The following GRB10 variants were observed in gnomAD, a reference collection of about 807,000 sequenced individuals.
GRB10 encodes the protein growth factor receptor bound protein 10, also known as growth factor receptor-bound protein 10.
GRB10 carries 20 observed loss-of-function variants against 80.9 expected under a neutral mutation model. The ratio of observed to expected loss-of-function variants is 0.25; its 90% CI spans 0.17 to 0.36. The LOEUF is 0.36. GRB10 is among the 10% of genes least tolerant of loss of function. The pLI, the probability that GRB10 is intolerant of heterozygous loss-of-function variation, is 1.00. For missense variants in GRB10, 548 were observed against 747.7 expected (o/e 0.73, Z 3.12); for synonymous variants, 291 against 291.5 (o/e 1.00, Z 0.02).
intron 4 of GRB10, among the ~76,000 whole-genome samples, chr7:50,718,136 G>T (rs977637652): frequency 6.6e-6 from 1 of 152,210 alleles, no homozygotes; most frequent in African/African-American, 2.4e-5. Flanking sequence ...GAGGCTTGCG[G>T]AACTGTGTCC....
chr7:50,623,383 G>A (rs764272613), intron 8 of GRB10, among the ~76,000 whole-genome samples: 53 of 152,240 alleles, frequency 3.5e-4, no homozygotes, highest in Non-Finnish European at 6.3e-4. Context: ...TTTTTCAAGT[G>A]CGTCCAGTAG....
intron 3 of GRB10, among the ~76,000 whole-genome samples, chr7:50,742,291 A>G (rs1212056137): frequency 2.5e-4 from 35 of 138,600 alleles, no homozygotes; most frequent in African/African-American, 9.5e-4. Flanking sequence ...ACACACACAC[A>G]CACACACACA....
intron 18 of GRB10, 63 bp downstream of exon 18, chr7:50,595,374 T>C (rs2046445525): frequency 1.1e-6 from 1 of 897,862 alleles, no homozygotes; most frequent in Non-Finnish European, 1.9e-6. Flanking sequence ...AACTTGAAAA[T>C]TGCATTAAGA....
chr7:50,653,267 G>A (rs981967738), intron 7 of GRB10, among the ~76,000 whole-genome samples: 22 of 152,204 alleles, frequency 1.4e-4, no homozygotes, highest in African/African-American at 2.4e-5. Flanking sequence ...GGCAGCAGGA[G>A]GTAGCCACAG....
intron 3 of GRB10, among the ~76,000 whole-genome samples, chr7:50,738,137 G>GA (rs2071127785): frequency 6.6e-6 from 1 of 152,214 alleles, no homozygotes; most frequent in Non-Finnish European, 1.5e-5. Context: ...AGGATGTGGA[G>GA]AAACTGGAAC....
At chr7:50,740,350 A>G (rs1340642070) in intron 3 of GRB10, among the ~76,000 whole-genome samples, 3 of 152,224 alleles carry the variant, frequency 2.0e-5, no homozygotes, top group African/African-American at 7.2e-5. Flanking sequence ...TCAAGAACTC[A>G]GTCTTGTTCC....
At chr7:50,703,061 C>T (rs2064478557) in intron 5 of GRB10, among the ~76,000 whole-genome samples, 2 of 152,360 alleles carry the variant, frequency 1.3e-5, no homozygotes, top group South Asian at 2.1e-4. Flanking sequence ...ATTATGCTTG[C>T]CACAGAAAAC....
chr7:50,593,247 GA>G, intron 18 of GRB10, 149 bp from the exon 19 acceptor site: 2 of 869,094 alleles, frequency 2.3e-6, no homozygotes, highest in East Asian at 2.5e-5. Flanking sequence ...CCAGGGGCGG[GA>G]AAGACGGGAG....
At chr7:50,636,880 A>C (rs987363081) in intron 7 of GRB10, among the ~76,000 whole-genome samples, 1 of 152,234 alleles carries the variant, frequency 6.6e-6, no homozygotes, top group Admixed American at 6.5e-5. Flanking sequence ...AGCCCTAACC[A>C]GAGCAATCAT....
chr7:50,595,598 C>T (rs2046491356), intron 17 of GRB10, 68 bp from the exon 18 acceptor site: 1 of 722,576 alleles, frequency 1.4e-6, no homozygotes, highest in African/African-American at 2.4e-5. Flanking sequence ...CACACACACT[C>T]TCTTACACAC....
chr7:50,671,043 T>C (rs1429561441), intron 6 of GRB10, among the ~76,000 whole-genome samples: 2 of 152,034 alleles, frequency 1.3e-5, no homozygotes, highest in African/African-American at 4.8e-5. Flanking sequence ...AGCAGAGAAA[T>C]CAAGTTCAAA....
At chr7:50,667,520 C>T (rs1019366719) in intron 7 of GRB10, among the ~76,000 whole-genome samples, 4 of 152,168 alleles carry the variant, frequency 2.6e-5, no homozygotes, top group African/African-American at 4.8e-5. Flanking sequence ...CCATCCCCCA[C>T]CGTGATCCTA....
chr7:50,709,558 T>TTC (rs386410129), intron 4 of GRB10, among the ~76,000 whole-genome samples: 1 of 8,654 alleles, frequency 1.2e-4, no homozygotes, highest in Non-Finnish European at 5.3e-4. Flanking sequence ...CATTAAACTC[T>TTC]TTTTTTTTGC....
chr7:50,776,202 T>G lies in GRB10; in HGVS notation c.-217+4425A>C, dbSNP rs556402655. Among the ~76,000 whole-genome samples, 37 of 152,260 alleles carry G rather than the reference T, an allele frequency of 2.4e-4. 1 individual carries two copies. The South Asian group carries it at 7.5e-3, about 31-fold the overall frequency. ...CTGGGCAAGCTAAAAATTTTCCATA[T>G]CCTTAAATTCTGCTTCCTTTTCTTT... On this transcript the variant is annotated intron_variant, in intron 2 of 18. Coordinates refer to ENST00000401949, the MANE Select transcript of GRB10 (RefSeq NM_001350814.2).
intron 7 of GRB10, among the ~76,000 whole-genome samples, chr7:50,663,612 T>C (rs760123342): frequency 1.2e-4 from 18 of 152,248 alleles, no homozygotes; most frequent in African/African-American, 4.3e-4. Flanking sequence ...GACTGCTGAC[T>C]GGAGCCACGT....
chr7:50,644,882 G>A (rs2056916064), intron 7 of GRB10, among the ~76,000 whole-genome samples: 1 of 152,190 alleles, frequency 6.6e-6, no homozygotes, highest in East Asian at 1.9e-4. Context: ...TGGGATGGGC[G>A]GACCAGTTGG....
intron 5 of GRB10, among the ~76,000 whole-genome samples, chr7:50,689,813 A>G (rs1193515362): frequency 6.6e-6 from 1 of 151,798 alleles, no homozygotes; most frequent in East Asian, 1.9e-4. Flanking sequence ...CAAATGACAG[A>G]GGGTTTTTTT....
At chr7:50,749,023 T>C (rs898641497) in intron 3 of GRB10, among the ~76,000 whole-genome samples, 1 of 152,182 alleles carries the variant, frequency 6.6e-6, no homozygotes, top group African/African-American at 2.4e-5. Flanking sequence ...GACTCTACAA[T>C]CTAGAGGATG....
chr7:50,711,928 G>A (rs2065953658), intron 4 of GRB10, among the ~76,000 whole-genome samples: 1 of 152,102 alleles, frequency 6.6e-6, no homozygotes, highest in Non-Finnish European at 1.5e-5. Flanking sequence ...GAGGAAAAAG[G>A]AGGACAGCAG....
Sources: allele counts gnomAD v4.1 joint callset (sites outside exome capture counted in the v4.1 genomes callset), GRCh38; gene constraint gnomAD v4.1.1; transcripts MANE v1.5; gene names NCBI Gene and HGNC (gene_info 2026-07-23, HGNC 2026-07-21).